The following PARD3 variants were observed in gnomAD, a reference collection of about 807,000 sequenced individuals.
PARD3 encodes the protein par-3 family cell polarity regulator.
In PARD3, 75 loss-of-function variants were observed where a neutral mutation model predicts 155.4. The observed-to-expected ratio is 0.48, with a 90% confidence interval of 0.40 to 0.58. The LOEUF is 0.58. Ranked by LOEUF, PARD3 falls within the 20% of genes least tolerant of loss-of-function variation. The pLI is 0.00. For missense variants in PARD3, 1,642 were observed against 1,721.7 expected, an observed-to-expected ratio of 0.95 and a Z score of 0.82; for synonymous variants, 576 against 610.5, an observed-to-expected ratio of 0.94 and a Z score of 0.83.
chr10:34,544,096 T>C (rs1236668020), intron 2 of PARD3, among the ~76,000 whole-genome samples: 2 of 152,200 alleles, frequency 1.3e-5, no homozygotes. Context: ...TGCAGATCTT[T>C]CACAGGGAGC....
intron 22 of PARD3, among the ~76,000 whole-genome samples, chr10:34,203,161 G>A (rs1951300732): frequency 6.6e-6 from 1 of 152,188 alleles, no homozygotes; most frequent in African/African-American, 2.4e-5. Context: ...TTTGGAGTGT[G>A]GGTACACTGC....
chr10:34,741,180 T>TTTTTTTGTTG, intron 1 of PARD3, among the ~76,000 whole-genome samples: 1 of 133,912 alleles, frequency 7.5e-6, no homozygotes, highest in East Asian at 2.2e-4. Context: ...CCAAATTTTT[T>TTTTTTTGTTG]TTTTTTTTTT....
At chr10:34,485,547 C>T (rs935742408) in intron 3 of PARD3, among the ~76,000 whole-genome samples, 5 of 151,970 alleles carry the variant, frequency 3.3e-5, no homozygotes, top group African/African-American at 4.8e-5. Flanking sequence ...CAAGGGATTC[C>T]GGGTCATAGA....
chr10:34,357,895 T>G (rs1211913908), intron 14 of PARD3, among the ~76,000 whole-genome samples: 1 of 152,204 alleles, frequency 6.6e-6, no homozygotes, highest in African/African-American at 2.4e-5. Context: ...AGAGTATATT[T>G]TCTCTGTAAA....
At chr10:34,657,877 T>C (rs2093218769) in intron 2 of PARD3, among the ~76,000 whole-genome samples, 1 of 150,148 alleles carries the variant, frequency 6.7e-6, no homozygotes, top group South Asian at 2.2e-4. Flanking sequence ...CCAGGCGCGG[T>C]GGCTCACGCC....
intron 22 of PARD3, among the ~76,000 whole-genome samples, chr10:34,139,650 G>T (rs1588901937): frequency 6.6e-6 from 1 of 152,176 alleles, no homozygotes; most frequent in South Asian, 2.1e-4. Context: ...GACCTGTCAT[G>T]AAGCCGTAGT....
Position 34,724,852 on chromosome 10 carries a change from G to A in PARD3, c.121-28433C>T, listed in dbSNP as rs2133762870. ...TAGCCCAAGTGACAACAACGTAACT[G>A]CGGAGCAAATGCTGGAGCAGTAGAA... On this transcript the variant is annotated intron_variant, in intron 1 of 24. Transcript: ENST00000374788. 2.0e-5 allele frequency among the ~76,000 whole-genome samples: 3 copies of A among 152,326 alleles called. No individual in the cohort carries two copies. In the South Asian group the frequency reaches 6.2e-4, roughly 32 times the overall value.
rs886277730 is a variant in PARD3, at chr10:34,526,029, C to A, written c.223-8870G>T. Among the ~76,000 whole-genome samples the A allele has an allele frequency of 2.1e-5, 3 of 141,028 alleles. No homozygotes were observed. In the Admixed American group the frequency reaches 2.3e-4, roughly 11 times the overall value. 92.5% of individuals were successfully genotyped at this position (141,028 alleles called of 152,430 possible). Reference sequence around the variant, plus strand: ...CGTGGGAGATGGAGGTTGCGGTGAGCCAAGATCGCACCACTGCACTTCAGC... The same window carrying A: ...CGTGGGAGATGGAGGTTGCGGTGAGACAAGATCGCACCACTGCACTTCAGC... On this transcript the variant is annotated intron_variant, in intron 2 of 24. Coordinates refer to ENST00000374788, the MANE Select transcript of PARD3 (RefSeq NM_001184785.2).
intron 1 of PARD3, among the ~76,000 whole-genome samples, chr10:34,769,748 G>C (rs1408298046): frequency 6.8e-6 from 1 of 146,700 alleles, no homozygotes; most frequent in Non-Finnish European, 1.5e-5. Flanking sequence ...CAGAGGGAGA[G>C]AGAGACCATG....
At chr10:34,471,485 T>C (rs1234932026) in intron 3 of PARD3, among the ~76,000 whole-genome samples, 1 of 152,198 alleles carries the variant, frequency 6.6e-6, no homozygotes, top group East Asian at 1.9e-4. Flanking sequence ...TTAAATTATG[T>C]TTAGAATACT....
intron 7 of PARD3, among the ~76,000 whole-genome samples, chr10:34,396,692 G>C (rs1160396144): frequency 1.3e-5 from 2 of 152,088 alleles, no homozygotes; most frequent in African/African-American, 4.8e-5. Flanking sequence ...AATGACTGGA[G>C]TTTTATATAA....
intron 2 of PARD3, among the ~76,000 whole-genome samples, chr10:34,636,034 A>G (rs576630287): frequency 6.6e-6 from 1 of 152,132 alleles, no homozygotes; most frequent in African/African-American, 2.4e-5. Context: ...AAAAAAGAAG[A>G]AGAAGAAAGA....
chr10:34,116,849 C>A (rs558016400), intron 24 of PARD3, among the ~76,000 whole-genome samples: 1 of 152,190 alleles, frequency 6.6e-6, no homozygotes, highest in Non-Finnish European at 1.5e-5. Flanking sequence ...CTAGCGGTAG[C>A]GGCTGCAACC....
chr10:34,409,316 T>C (rs1844813050), intron 5 of PARD3, among the ~76,000 whole-genome samples: 1 of 152,120 alleles, frequency 6.6e-6, no homozygotes, highest in South Asian at 2.1e-4. Context: ...TCAGTTCCAA[T>C]ATGTAAGTCT....
chr10:34,814,241 C>A (rs1246535723), intron 1 of PARD3, among the ~76,000 whole-genome samples: 1 of 152,182 alleles, frequency 6.6e-6, no homozygotes, highest in Non-Finnish European at 1.5e-5. Context: ...CCGGGAACGC[C>A]TCCCCGACCC....
chr10:34,353,152 AGCC>A (rs1447322907), intron 14 of PARD3, among the ~76,000 whole-genome samples: 1 of 151,674 alleles, frequency 6.6e-6, no homozygotes, highest in East Asian at 1.9e-4. Flanking sequence ...CCGCCCGGCC[AGCC>A]GCCCCGTCCG....
At chr10:34,602,152 C>T (rs752545447) in intron 2 of PARD3, among the ~76,000 whole-genome samples, 5 of 152,116 alleles carry the variant, frequency 3.3e-5, no homozygotes, top group African/African-American at 4.8e-5. Flanking sequence ...CTGAGAAAGT[C>T]GCTGATAAAT....
chr10:34,223,046 T>C (rs965810524), intron 22 of PARD3, among the ~76,000 whole-genome samples: 1 of 152,118 alleles, frequency 6.6e-6, no homozygotes, highest in African/African-American at 2.4e-5. Flanking sequence ...TAACCCTCTG[T>C]GTTCGGTAAG....
chr10:34,587,571 C>A, intron 2 of PARD3, among the ~76,000 whole-genome samples: 1 of 152,154 alleles, frequency 6.6e-6, no homozygotes, highest in East Asian at 1.9e-4. Context: ...ATGTGTCATA[C>A]CCTAGATTCC....
Sources: allele counts gnomAD v4.1 joint callset (sites outside exome capture counted in the v4.1 genomes callset), GRCh38; gene constraint gnomAD v4.1.1; transcripts MANE v1.5; gene names NCBI Gene and HGNC (gene_info 2026-07-23, HGNC 2026-07-21).